TSHZ2: variants seen among roughly 807,000 people sequenced by gnomAD.
The protein encoded by TSHZ2 is teashirt homolog 2.
A neutral mutation model predicts 74.4 loss-of-function variants in TSHZ2; 21 were observed. The observed-to-expected ratio is 0.28, with a 90% CI of 0.20 to 0.41. The LOEUF is 0.41. Among genes scored for constraint, TSHZ2 ranks in the 10% least tolerant of loss-of-function variants. TSHZ2 has a pLI of 1.00. For missense variants in TSHZ2, 1,244 were observed against 1,293.5 expected, an observed-to-expected ratio of 0.96 and a Z score of 0.59; for synonymous variants, 540 against 515.3, an observed-to-expected ratio of 1.05 and a Z score of -0.65.
intron 2 of TSHZ2, among the ~76,000 whole-genome samples, chr20:53,357,961 A>T (rs965003437): frequency 1.3e-5 from 2 of 152,232 alleles, no homozygotes; most frequent in African/African-American, 4.8e-5. Flanking sequence ...TTCTATGAAA[A>T]CAAAATACTA....
At chr20:53,385,050 G>A (rs1177092666) in intron 2 of TSHZ2, among the ~76,000 whole-genome samples, 1 of 152,170 alleles carries the variant, frequency 6.6e-6, no homozygotes, top group Non-Finnish European at 1.5e-5. Context: ...GAACCCGGGA[G>A]GCGGAGCTTG....
chr20:53,291,302 T>C (rs1991273204), intron 2 of TSHZ2, among the ~76,000 whole-genome samples: 1 of 151,768 alleles, frequency 6.6e-6, no homozygotes, highest in Non-Finnish European at 1.5e-5. Flanking sequence ...TGAAACCCAG[T>C]CTCTACTAAA....
chr20:53,256,075 C>T lies in TSHZ2; in HGVS notation c.2617C>T (p.Leu873=), dbSNP rs775438998. The T allele has an allele frequency of 1.9e-6, 3 of 1,614,138 alleles. No individual in the cohort carries two copies. In the South Asian group the frequency reaches 3.3e-5, roughly 18 times the overall value. Residue 873 remains leucine, a synonymous_variant, in exon 2 of 3, where the codon CTG becomes TTG. Coordinates refer to ENST00000371497, the MANE Select transcript of TSHZ2 (RefSeq NM_173485.6). The surrounding 1 kb of genome is among the most constrained non-coding windows in gnomAD (Gnocchi z 4.3). ...SLFQTSEGKY[L]LSDLGPQERM... is the part of the protein sequence containing the mutation. ...CTTCCAGACATCAGAGGGCAAATAC[C>T]TGCTGTCTGATCTGGGCCCACAAGA...
intron 2 of TSHZ2, among the ~76,000 whole-genome samples, chr20:53,339,935 A>G (rs1358139137): frequency 6.6e-6 from 1 of 152,074 alleles, no homozygotes; most frequent in African/African-American, 2.4e-5. Context: ...CTGCCCCCCA[A>G]ATCCCAATGT....
intron 1 of TSHZ2, among the ~76,000 whole-genome samples, chr20:53,041,056 T>G (rs1252505235): frequency 1.3e-5 from 2 of 152,222 alleles, no homozygotes; most frequent in Non-Finnish European, 2.9e-5. Context: ...GTCTCCTAAG[T>G]GCCCACCCGG....
intron 1 of TSHZ2, among the ~76,000 whole-genome samples, chr20:53,050,122 T>C (rs796703495): frequency 1.5e-3 from 116 of 79,204 alleles, no homozygotes; most frequent in East Asian, 7.7e-3. Context: ...TATATATATA[T>C]ATACACATAT....
intron 1 of TSHZ2, among the ~76,000 whole-genome samples, chr20:53,015,739 A>C (rs1983014503): frequency 6.6e-6 from 1 of 152,140 alleles, no homozygotes; most frequent in Non-Finnish European, 1.5e-5. Flanking sequence ...ACCATTAGAC[A>C]TTCTCTAGTG....
intron 1 of TSHZ2, among the ~76,000 whole-genome samples, chr20:53,171,385 T>C (rs562511643): frequency 3.3e-5 from 5 of 152,368 alleles, no homozygotes; most frequent in African/African-American, 9.6e-5. Context: ...CACATGCTTT[T>C]AATTGCAATT....
At chr20:53,278,720 G>A (rs1990992598) in intron 2 of TSHZ2, among the ~76,000 whole-genome samples, 1 of 151,830 alleles carries the variant, frequency 6.6e-6, no homozygotes, top group Admixed American at 6.6e-5. Context: ...CTTCTTTAAG[G>A]ACTCTTCCAT....
At chr20:53,463,050 T>C (rs1388630433) in intron 2 of TSHZ2, among the ~76,000 whole-genome samples, 2 of 152,182 alleles carry the variant, frequency 1.3e-5, no homozygotes, top group Non-Finnish European at 2.9e-5. Context: ...ATAACAGCTA[T>C]TGTTGTTATC....
chr20:53,247,336 T>C (rs1344419368), intron 1 of TSHZ2, among the ~76,000 whole-genome samples: 1 of 152,220 alleles, frequency 6.6e-6, no homozygotes, highest in Non-Finnish European at 1.5e-5. Flanking sequence ...ATGAAGTCTG[T>C]GCTCAGGAAT....
At chr20:53,008,017 A>G (rs747963704) in intron 1 of TSHZ2, among the ~76,000 whole-genome samples, 11 of 152,116 alleles carry the variant, frequency 7.2e-5, no homozygotes, top group Non-Finnish European at 1.5e-4. Flanking sequence ...TTTGTATCTC[A>G]CACCAAGAAA....
chr20:53,186,347 G>T (rs1378139406), intron 1 of TSHZ2, among the ~76,000 whole-genome samples: 1 of 152,226 alleles, frequency 6.6e-6, no homozygotes, highest in African/African-American at 2.4e-5. Context: ...TTCAAACCTG[G>T]CTGAAACTCA....
Position 53,042,928 on chromosome 20 carries a change from A to G in TSHZ2, c.40+69595A>G, listed in dbSNP as rs6022249. 5.7e-3 allele frequency among the ~76,000 whole-genome samples: 872 copies of G among 152,332 alleles called. 14 individuals carry two copies. The highest frequency in any genetic ancestry group is 0.02 in the African/African-American group (827 of 41,576). ...ATAGTAGGGAAAGCTGGAAATACTT[A>G]AATGTCCATCACTAAAAAGTCAGTT... On this transcript the variant is annotated intron_variant, in intron 1 of 2. Transcript: ENST00000371497.
intron 2 of TSHZ2, among the ~76,000 whole-genome samples, chr20:53,285,932 A>T (rs1991155923): frequency 6.6e-6 from 1 of 152,210 alleles, no homozygotes; most frequent in South Asian, 2.1e-4. Flanking sequence ...GTAGGACAGA[A>T]ATGATTCCTA....
intron 2 of TSHZ2, among the ~76,000 whole-genome samples, chr20:53,324,420 C>G (rs1426054034): frequency 1.3e-5 from 2 of 152,110 alleles, no homozygotes; most frequent in African/African-American, 4.8e-5. Flanking sequence ...CTCTATCACC[C>G]AGGCTGGAGT....
intron 1 of TSHZ2, among the ~76,000 whole-genome samples, chr20:53,161,249 T>C (rs931699148): frequency 2.0e-5 from 3 of 150,446 alleles, no homozygotes; most frequent in Non-Finnish European, 4.4e-5. Context: ...GCGGAATGAG[T>C]GTTCTAGGCA....
chr20:53,448,608 T>C (rs1259673925), intron 2 of TSHZ2, among the ~76,000 whole-genome samples: 1 of 152,224 alleles, frequency 6.6e-6, no homozygotes, highest in Non-Finnish European at 1.5e-5. Context: ...TTGATGTTGA[T>C]TTATCTTATT....
chr20:53,314,992 G>A lies in TSHZ2; in HGVS notation c.*8+58421G>A, dbSNP rs138639805. 5.9e-5 allele frequency among the ~76,000 whole-genome samples: 9 copies of A among 152,238 alleles called. No homozygotes were observed. The East Asian group carries it at 1.7e-3, about 29-fold the overall frequency. ...AAGCAAAAGCTGCTAAGCCTTTAAA[G>A]GATATACAAGAATTGACACAATATT... is the stretch of plus-strand genomic sequence containing the variant. On this transcript the variant is annotated intron_variant, in intron 2 of 2. Transcript: ENST00000371497.
Sources: gnomAD v4.1 joint callset for allele counts (sites outside exome capture counted in the v4.1 genomes callset) on GRCh38, gnomAD v4.1.1 for gene constraint, Gnocchi (gnomAD v3.1) non-coding constraint, MANE v1.5 for transcripts, NCBI Gene and HGNC (gene_info 2026-07-23, HGNC 2026-07-21) for gene names.